SH3PXD2B: variants seen among roughly 807,000 people sequenced by gnomAD.
SH3PXD2B encodes the protein SH3 and PX domain-containing protein 2B.
SH3PXD2B carries 37 observed loss-of-function variants against 73.1 expected under a neutral mutation model. The observed-to-expected ratio is 0.51, with a 90% CI of 0.39 to 0.67. The LOEUF is 0.67. Ranked by LOEUF, SH3PXD2B falls within the 30% of genes least tolerant of loss-of-function variation. SH3PXD2B has a pLI of 0.00. For missense variants in SH3PXD2B, 1,053 were observed against 1,197.8 expected, an observed-to-expected ratio of 0.88 and a Z score of 1.78; for synonymous variants, 457 against 480.5, an observed-to-expected ratio of 0.95 and a Z score of 0.64.
At chr5:172,344,588 C>CA (rs756550290) in intron 12 of SH3PXD2B, among the ~76,000 whole-genome samples, 9,068 of 25,196 alleles carry the variant, frequency 0.36, 2,886 homozygotes, top group East Asian at 0.52. Flanking sequence ...GAGGCTCTGT[C>CA]AAAAAAAAAA....
rs564842289 is a variant in SH3PXD2B, at chr5:172,337,398, T to G, written c.*971A>C. 50 of 979,206 alleles carry G rather than the reference T, an allele frequency of 5.1e-5. No individual in the cohort carries two copies. In the African/African-American group the frequency reaches 8.2e-4, roughly 16 times the overall value. The allele number at this position is 979,206 out of a possible 1,614,324, so 60.7% of individuals were successfully genotyped here. ...CTCTTCCTCCTGGCTGGTGTGTCCTTGGGCACATGGAGCGTGAATTTCCTC... is the reference window on the plus strand; with the variant it reads ...CTCTTCCTCCTGGCTGGTGTGTCCTGGGGCACATGGAGCGTGAATTTCCTC... On this transcript the variant is annotated 3_prime_UTR_variant, in exon 13 of 13. Coordinates refer to ENST00000311601, the MANE Select transcript of SH3PXD2B (RefSeq NM_001017995.3).
At chr5:172,447,599 CTG>C (rs1212135144) in intron 1 of SH3PXD2B, among the ~76,000 whole-genome samples, 3 of 152,172 alleles carry the variant, frequency 2.0e-5, no homozygotes, top group African/African-American at 7.2e-5. Context: ...GATGAGGAAA[CTG>C]AGGCACAGAG....
chr5:172,366,469 A>C (rs1454141432), intron 6 of SH3PXD2B, among the ~76,000 whole-genome samples: 1 of 152,134 alleles, frequency 6.6e-6, no homozygotes. Context: ...TCCCTGGTGC[A>C]CCTGCAAAGC....
chr5:172,339,209 C>T lies in SH3PXD2B; in HGVS notation c.1896G>A (p.Gln632=). ...LPEEKPDATP[Q]NPFLKSRPQV... ...GAGGTCTGGACTTCAAGAAGGGATTCTGGGGAGTGGCATCTGGCTTCTCCT... is the reference window on the plus strand; with the variant it reads ...GAGGTCTGGACTTCAAGAAGGGATTTTGGGGAGTGGCATCTGGCTTCTCCT... The change falls in exon 13 of 13, where the codon CAG becomes CAA. Residue 632 remains glutamine, a synonymous_variant. Coordinates refer to ENST00000311601, the MANE Select transcript of SH3PXD2B (RefSeq NM_001017995.3). The surrounding 1 kb of genome is among the most constrained non-coding windows in gnomAD (Gnocchi z 6.1). 1 of 1,614,220 alleles carries T rather than the reference C, an allele frequency of 6.2e-7. No individual in the cohort carries two copies. Among genetic ancestry groups the T allele is most frequent in the Non-Finnish European group, 8.5e-7 (1 of 1,180,042 alleles).
At chr5:172,370,789 T>C (rs1163178101) in intron 6 of SH3PXD2B, among the ~76,000 whole-genome samples, 3 of 152,348 alleles carry the variant, frequency 2.0e-5, no homozygotes, top group South Asian at 4.1e-4. Flanking sequence ...TCATTTGATC[T>C]ACCAGGAGTC....
chr5:172,414,102 T>G (rs998310580), intron 2 of SH3PXD2B, among the ~76,000 whole-genome samples: 1 of 152,134 alleles, frequency 6.6e-6, no homozygotes, highest in Admixed American at 6.5e-5. Flanking sequence ...TATGGGCAGA[T>G]AGTCTTAAAA....
At chr5:172,444,324 G>C (rs1759613095) in intron 1 of SH3PXD2B, among the ~76,000 whole-genome samples, 1 of 152,168 alleles carries the variant, frequency 6.6e-6, no homozygotes, top group African/African-American at 2.4e-5. Flanking sequence ...TTCTTTCCAA[G>C]ACTGGGTGCT....
chr5:172,416,692 CTCTCTTTTTTTTTTTTTTTTTT>C (rs1758832619), intron 2 of SH3PXD2B, among the ~76,000 whole-genome samples: 1 of 91,220 alleles, frequency 1.1e-5, no homozygotes, highest in Non-Finnish European at 2.0e-5. Flanking sequence ...CTCTCTCTCT[CTCTCTTTTTTTTTTTTTTTTTT>C]TTTTTTTTTT....
chr5:172,418,637 T>G, intron 2 of SH3PXD2B, among the ~76,000 whole-genome samples: 1 of 152,190 alleles, frequency 6.6e-6, no homozygotes, highest in East Asian at 1.9e-4. Context: ...CAGCTTTCCC[T>G]GCTGGGGTGT....
intron 2 of SH3PXD2B, among the ~76,000 whole-genome samples, chr5:172,408,534 CTTTTTTT>C (rs34377327): frequency 1.9e-4 from 18 of 92,666 alleles, no homozygotes; most frequent in East Asian, 1.1e-3. Flanking sequence ...TGGGTTATCA[CTTTTTTT>C]TTTTTTTTTT....
At position 172,333,899 on chromosome 5, in the gene SH3PXD2B, G is replaced by C; in HGVS notation, c.*4470C>G. ...AGGGGCGCTAACAATAATTACACGG[G>C]CACAAAGGCATACATGGGCACACAC... On this transcript the variant is annotated 3_prime_UTR_variant, in exon 13 of 13. Coordinates refer to ENST00000311601, the MANE Select transcript of SH3PXD2B (RefSeq NM_001017995.3). 1 of 1,269,488 alleles carries C rather than the reference G, an allele frequency of 7.9e-7. No individual in the cohort carries two copies. The highest frequency in any genetic ancestry group is 1.0e-6 in the Non-Finnish European group (1 of 983,854). 78.6% of individuals were successfully genotyped at this position (1,269,488 alleles called of 1,614,324 possible).
At chr5:172,450,324 A>T (rs1289890119) in intron 1 of SH3PXD2B, among the ~76,000 whole-genome samples, 1 of 151,632 alleles carries the variant, frequency 6.6e-6, no homozygotes, top group Non-Finnish European at 1.5e-5. Context: ...GAGGGGCAGC[A>T]TCGGGGAGGG....
At chr5:172,368,238 C>T (rs1262538594) in intron 6 of SH3PXD2B, among the ~76,000 whole-genome samples, 1 of 151,568 alleles carries the variant, frequency 6.6e-6, no homozygotes, top group East Asian at 1.9e-4. Flanking sequence ...CCTTCCCTGC[C>T]TGCCTTGCAC....
At chr5:172,355,626 A>G (rs1352359784) in intron 8 of SH3PXD2B, among the ~76,000 whole-genome samples, 1 of 149,842 alleles carries the variant, frequency 6.7e-6, no homozygotes, top group African/African-American at 2.5e-5. Context: ...CTCACTGCAA[A>G]CTCCGCCTCC....
In SH3PXD2B at chr5:172,422,512, A is replaced by G. The variant is rs750413436; in HGVS notation, c.76-16T>C. ...TGATGTAGACCTGCGGGAGCAACAG[A>G]GGAGATGGGTGTTAACACCAGAAGG... On this transcript the variant is annotated splice_polypyrimidine_tract_variant and intron_variant, in intron 1 of 12. Coordinates refer to ENST00000311601, the MANE Select transcript of SH3PXD2B (RefSeq NM_001017995.3). 3.1e-6 allele frequency: 5 copies of G among 1,607,370 alleles called. No individual in the cohort carries two copies. Among genetic ancestry groups the G allele is most frequent in the Middle Eastern group, 3.3e-4 (2 of 6,052 alleles).
intron 1 of SH3PXD2B, among the ~76,000 whole-genome samples, chr5:172,432,456 G>A (rs188788397): frequency 6.6e-6 from 1 of 152,270 alleles, no homozygotes. Context: ...AGGGGGGAGT[G>A]TCGCTCATTC....
At chr5:172,341,026 C>T (rs1056310766) in intron 12 of SH3PXD2B, among the ~76,000 whole-genome samples, 10 of 152,180 alleles carry the variant, frequency 6.6e-5, no homozygotes, top group East Asian at 1.9e-4. Flanking sequence ...GTGGGATACA[C>T]GCCTGTTGGC....
At chr5:172,380,321 A>G (rs1055467960) in intron 5 of SH3PXD2B, among the ~76,000 whole-genome samples, 1 of 152,066 alleles carries the variant, frequency 6.6e-6, no homozygotes, top group African/African-American at 2.4e-5. Flanking sequence ...TCGGCCTCCT[A>G]AAGTGCTGGG....
At position 172,382,021 on chromosome 5, in the gene SH3PXD2B, CACAA is replaced by C. The variant is rs1273033773; in HGVS notation, c.401+11_401+14del. 1.2e-6 allele frequency: 2 copies of C among 1,603,860 alleles called. No individual in the cohort carries two copies. Among genetic ancestry groups the C allele is most frequent in the Non-Finnish European group, 1.7e-6 (2 of 1,175,144 alleles). On this transcript the variant is annotated intron_variant, in intron 5 of 12. Transcript: ENST00000311601. The stretch of plus-strand genomic sequence containing the variant: ...CTGTGGGGCTCCATCTGGGGAAGCC[CACAA>C]ACAAACTTACTCTTTGGGGGGATTC...
Sources: allele counts gnomAD v4.1 joint callset (sites outside exome capture counted in the v4.1 genomes callset), GRCh38; gene constraint gnomAD v4.1.1; non-coding constraint Gnocchi (gnomAD v3.1); transcripts MANE v1.5; gene names NCBI Gene and HGNC (gene_info 2026-07-23, HGNC 2026-07-21).